UGT8: variants seen among roughly 807,000 people sequenced by gnomAD.
UGT8 encodes 2-hydroxyacylsphingosine 1-beta-galactosyltransferase.
UGT8 carries 12 observed loss-of-function variants against 40.5 expected under a neutral mutation model. The ratio of observed to expected loss-of-function variants is 0.30; its 90% CI spans 0.19 to 0.48. The LOEUF is 0.48. Ranked by LOEUF, UGT8 falls within the 20% of genes least tolerant of loss-of-function variation. The probability of loss-of-function intolerance (pLI) is 0.99; values close to 1 mark genes in which losing one functional copy is unlikely to be tolerated. For missense variants in UGT8, 513 were observed against 648.7 expected (o/e 0.79, Z 2.27); for synonymous variants, 224 against 240.4 (o/e 0.93, Z 0.63).
At chr4:114,619,938 GTTTC>G (rs1223840175) in intron 1 of UGT8, among the ~76,000 whole-genome samples, 1 of 150,868 alleles carries the variant, frequency 6.6e-6, no homozygotes, top group Admixed American at 6.6e-5. Flanking sequence ...TATTTTTCAG[GTTTC>G]TTTAATATAA....
At chr4:114,673,525 G>C in intron 5 of UGT8, among the ~76,000 whole-genome samples, 1 of 152,146 alleles carries the variant, frequency 6.6e-6, no homozygotes, top group East Asian at 1.9e-4. Context: ...CTAGGACCAA[G>C]TAAACATATT....
chr4:114,652,948 G>T (rs1396761039), intron 2 of UGT8, among the ~76,000 whole-genome samples: 1 of 151,970 alleles, frequency 6.6e-6, no homozygotes, highest in African/African-American at 2.4e-5. Flanking sequence ...AGTCTAGAAG[G>T]CACTGTATCA....
chr4:114,621,913 A>T (rs7685523), intron 1 of UGT8, among the ~76,000 whole-genome samples: 23 of 151,862 alleles, frequency 1.5e-4, no homozygotes, highest in African/African-American at 5.1e-4. Context: ...TTTAATAGTG[A>T]TTTTTTTTGT....
At chr4:114,638,647 C>T (rs1376304771) in intron 2 of UGT8, among the ~76,000 whole-genome samples, 1 of 152,200 alleles carries the variant, frequency 6.6e-6, no homozygotes, top group Non-Finnish European at 1.5e-5. Flanking sequence ...GCAAGGAGCT[C>T]CTTCCTCCTA....
chr4:114,624,253 T>C (rs1260807798), intron 2 of UGT8, among the ~76,000 whole-genome samples: 3 of 152,240 alleles, frequency 2.0e-5, no homozygotes, highest in Admixed American at 6.5e-5. Context: ...AAGGAAAGCA[T>C]GCTCTATTGC....
intron 2 of UGT8, among the ~76,000 whole-genome samples, chr4:114,644,519 A>G (rs1295482629): frequency 6.6e-6 from 1 of 151,858 alleles, no homozygotes; most frequent in Non-Finnish European, 1.5e-5. Context: ...TCTTTTACTC[A>G]CCTTTCCCTG....
chr4:114,611,445 T>TACATAC lies in UGT8; in HGVS notation c.-2-11431_-2-11430insTACACA, dbSNP rs1553931530. Among the ~76,000 whole-genome samples the TACATAC allele has an allele frequency of 3.5e-4, 37 of 104,742 alleles. 1 individual carries two copies. Among genetic ancestry groups the TACATAC allele is most frequent in the African/African-American group, 1.8e-3 (36 of 19,896 alleles). The allele number at this position is 104,742 out of a possible 152,430, so 68.7% of individuals were successfully genotyped here. A position where few individuals can be genotyped will look rare whatever the true frequency, so the allele number is the denominator to read the frequency against. ...ATATATATATATATATATATATATA[T>TACATAC]ACACACACACACAGAGATATTAGAT... On this transcript the variant is annotated intron_variant, in intron 1 of 5. Transcript: ENST00000310836.
intron 5 of UGT8, among the ~76,000 whole-genome samples, chr4:114,672,078 A>G (rs1735326281): frequency 2.0e-5 from 3 of 152,276 alleles, no homozygotes; most frequent in Non-Finnish European, 2.9e-5. Context: ...AAAGGTTAAC[A>G]TCACTGATCA....
chr4:114,667,633 ACT>A (rs1734970208), intron 4 of UGT8, among the ~76,000 whole-genome samples: 1 of 152,054 alleles, frequency 6.6e-6, no homozygotes, highest in African/African-American at 2.4e-5. Context: ...AAGCACACAA[ACT>A]CTTCATGGAC....
rs6811150 is a variant in UGT8 at position 114,664,892 on chromosome 4, A to G, written c.965+755A>G. Among the ~76,000 whole-genome samples, 748 of 152,332 alleles carry G rather than the reference A, an allele frequency of 4.9e-3. 7 individuals are homozygous for G. Among genetic ancestry groups the G allele is most frequent in the African/African-American group, 0.017 (711 of 41,574 alleles). ...AAGCCATTGCAAGTAGGCTTTGAGT[A>G]ATAGAGATTTTCCCTTTATAGCAAA... On this transcript the variant is annotated intron_variant, in intron 3 of 5. Coordinates refer to ENST00000310836, the MANE Select transcript of UGT8 (RefSeq NM_001128174.3).
chr4:114,630,576 T>A (rs1732505141), intron 2 of UGT8, among the ~76,000 whole-genome samples: 2 of 152,072 alleles, frequency 1.3e-5, no homozygotes, highest in Admixed American at 1.3e-4. Context: ...ATGTGGAGCA[T>A]CTATGGTTTC....
At chr4:114,625,874 T>C (rs1383352281) in intron 2 of UGT8, among the ~76,000 whole-genome samples, 1 of 152,232 alleles carries the variant, frequency 6.6e-6, no homozygotes, top group Non-Finnish European at 1.5e-5. Flanking sequence ...TGACACTGGC[T>C]TGACTTTCTT....
At chr4:114,622,798 G>A in intron 1 of UGT8, 81 bp from the exon 2 acceptor site, 2 of 1,278,812 alleles carry the variant, frequency 1.6e-6, no homozygotes, top group Non-Finnish European at 2.1e-6. Context: ...GATATTTTTG[G>A]GGAAAAATGC....
intron 2 of UGT8, among the ~76,000 whole-genome samples, chr4:114,639,399 C>T (rs1232056979): frequency 6.6e-6 from 1 of 152,150 alleles, no homozygotes; most frequent in Non-Finnish European, 1.5e-5. Context: ...TCTCATTAAA[C>T]CTAGGTGTAG....
chr4:114,668,836 A>C lies in UGT8; in HGVS notation c.1262+532A>C, dbSNP rs1310633718. 3.9e-5 allele frequency among the ~76,000 whole-genome samples: 6 copies of C among 152,308 alleles called. 1 individual carries two copies. Among genetic ancestry groups the C allele is most frequent in the Admixed American group, 3.9e-4 (6 of 15,292 alleles). On this transcript the variant is annotated intron_variant, in intron 5 of 5. Transcript: ENST00000310836. ...CAGAAATACGGAGATTTATTTACTC[A>C]GGTGAATGATGAAGCAGAATCTTTA...
In UGT8 at chr4:114,610,080, G is replaced by T. The variant is rs369641989; in HGVS notation, c.-3+11106G>T. Reference sequence around the variant, plus strand: ...CTGCTATTTTGATTCATGTATCACAGAATTCAATAAAAAGTCAAACTATTA... The same window carrying T: ...CTGCTATTTTGATTCATGTATCACATAATTCAATAAAAAGTCAAACTATTA... On this transcript the variant is annotated intron_variant, in intron 1 of 5. Transcript: ENST00000310836. Among the ~76,000 whole-genome samples the T allele has an allele frequency of 1.2e-4, 19 of 152,216 alleles. No homozygotes were observed. In the East Asian group the frequency reaches 2.1e-3, roughly 17 times the overall value.
chr4:114,631,432 A>T (rs1732565844), intron 2 of UGT8, among the ~76,000 whole-genome samples: 1 of 152,264 alleles, frequency 6.6e-6, no homozygotes, highest in Non-Finnish European at 1.5e-5. Flanking sequence ...GGTCACAGTG[A>T]GCTGAGATCG....
At chr4:114,626,467 A>G (rs1732228429) in intron 2 of UGT8, among the ~76,000 whole-genome samples, 1 of 152,320 alleles carries the variant, frequency 6.6e-6, no homozygotes, top group South Asian at 2.1e-4. Flanking sequence ...GAATTTCACA[A>G]CCTGGGATGA....
At chr4:114,655,397 A>G (rs559992328) in intron 2 of UGT8, among the ~76,000 whole-genome samples, 1 of 152,174 alleles carries the variant, frequency 6.6e-6, no homozygotes, top group East Asian at 1.9e-4. Flanking sequence ...GTTTTGAAAC[A>G]AAGATTATTG....
Sources: allele counts gnomAD v4.1 joint callset (sites outside exome capture counted in the v4.1 genomes callset), GRCh38; gene constraint gnomAD v4.1.1; transcripts MANE v1.5; gene names NCBI Gene and HGNC (gene_info 2026-07-23, HGNC 2026-07-21).